The following TSEN2 variants were observed in gnomAD, a reference collection of about 807,000 sequenced individuals.
TSEN2 encodes tRNA-splicing endonuclease subunit Sen2.
A neutral mutation model predicts 59.2 loss-of-function variants in TSEN2; 54 were observed. The ratio of observed to expected loss-of-function variants is 0.91; its 90% CI spans 0.73 to 1.14. TSEN2 has a LOEUF of 1.14. TSEN2 is among the 50% of genes most tolerant of loss of function. The pLI is 0.00. For missense variants in TSEN2, 636 were observed against 576.2 expected, an observed-to-expected ratio of 1.10 and a Z score of -1.06; for synonymous variants, 195 against 198.2, an observed-to-expected ratio of 0.98 and a Z score of 0.14.
chr3:12,502,596 TA>T (rs1255077935), intron 4 of TSEN2, among the ~76,000 whole-genome samples: 1 of 151,900 alleles, frequency 6.6e-6, no homozygotes, highest in East Asian at 1.9e-4. Flanking sequence ...TTTTCTTGTT[TA>T]TTTACCTAAA....
intron 6 of TSEN2, chr3:12,514,832 C>T (rs2055887458): frequency 6.6e-6 from 1 of 152,172 alleles, no homozygotes; most frequent in Non-Finnish European, 1.5e-5. Flanking sequence ...CAACCCATAC[C>T]TTGACATAAA....
intron 6 of TSEN2, among the ~76,000 whole-genome samples, chr3:12,507,051 G>T (rs2054913895): frequency 6.6e-6 from 1 of 152,046 alleles, no homozygotes. Flanking sequence ...AAATTAGCTG[G>T]GTGTGGTGTC....
At chr3:12,498,992 T>G (rs1374245401) in intron 4 of TSEN2, among the ~76,000 whole-genome samples, 1 of 152,182 alleles carries the variant, frequency 6.6e-6, no homozygotes, top group African/African-American at 2.4e-5. Flanking sequence ...GCTCCTGGGC[T>G]CAAGTGATCC....
chr3:12,514,527 C>T (rs536215012), intron 6 of TSEN2, among the ~76,000 whole-genome samples: 1 of 151,998 alleles, frequency 6.6e-6, no homozygotes, highest in African/African-American at 2.4e-5. Context: ...AGACTTGGGA[C>T]CAAGAAGGCA....
chr3:12,491,720 G>A (rs1349352306), intron 2 of TSEN2, among the ~76,000 whole-genome samples: 2 of 152,170 alleles, frequency 1.3e-5, no homozygotes, highest in Non-Finnish European at 2.9e-5. Flanking sequence ...AAAGTGGGGC[G>A]AACCTCTTGT....
At chr3:12,493,402 A>G (rs1039512619) in intron 3 of TSEN2, among the ~76,000 whole-genome samples, 4 of 152,288 alleles carry the variant, frequency 2.6e-5, no homozygotes, top group East Asian at 1.9e-4. Flanking sequence ...AAAGGTTCCA[A>G]TTTCTCTACA....
At chr3:12,524,779 G>C (rs539882385) in intron 8 of TSEN2, among the ~76,000 whole-genome samples, 11 of 129,596 alleles carry the variant, frequency 8.5e-5, no homozygotes, top group African/African-American at 3.3e-4. Flanking sequence ...GTGTCGCTCT[G>C]TTGCTCAGGC....
intron 7 of TSEN2, among the ~76,000 whole-genome samples, chr3:12,517,005 GGTA>G: frequency 6.6e-6 from 1 of 152,208 alleles, no homozygotes; most frequent in East Asian, 1.9e-4. Context: ...CTATATTTTA[GGTA>G]CTTTACACGC....
intron 7 of TSEN2, 42 bp from the exon 8 acceptor site, chr3:12,519,017 C>T: frequency 6.2e-7 from 1 of 1,606,520 alleles, no homozygotes; most frequent in Non-Finnish European, 8.5e-7. Flanking sequence ...AGAGTGAATG[C>T]ATACATAGTA....
rs375636804 is a variant in TSEN2, at chr3:12,488,475, G to C, written c.-17-1309G>C. On this transcript the variant is annotated intron_variant, in intron 1 of 11. Coordinates refer to ENST00000284995, the MANE Select transcript of TSEN2 (RefSeq NM_025265.4). Reference sequence around the variant, plus strand: ...TGCACCATTTACATTGTTTTCCCATGTATATGGTTACGTTTTCCTAGGTTA... The same window carrying C: ...TGCACCATTTACATTGTTTTCCCATCTATATGGTTACGTTTTCCTAGGTTA... Among the ~76,000 whole-genome samples the C allele has an allele frequency of 1.1e-4, 16 of 152,264 alleles. 1 individual carries two copies. Among genetic ancestry groups the C allele is most frequent in the Admixed American group, 7.8e-4 (12 of 15,292 alleles).
chr3:12,536,418 C>T (rs150523356), downstream of TSEN2, among the ~76,000 whole-genome samples: 3 of 152,176 alleles, frequency 2.0e-5, no homozygotes, highest in African/African-American at 4.8e-5. Context: ...GGTGGTCATC[C>T]CATGAACATT....
chr3:12,521,402 G>A (rs553711259), intron 8 of TSEN2, among the ~76,000 whole-genome samples: 7 of 152,326 alleles, frequency 4.6e-5, no homozygotes, highest in African/African-American at 1.4e-4. Flanking sequence ...GGCTACCCAA[G>A]GTCAACTGTA....
intron 1 of TSEN2, among the ~76,000 whole-genome samples, chr3:12,488,118 C>G (rs926470534): frequency 1.3e-5 from 2 of 152,190 alleles, no homozygotes; most frequent in African/African-American, 4.8e-5. Flanking sequence ...GTTGGATAAG[C>G]CTTTTCTTAA....
chr3:12,506,978 A>C (rs916206466), intron 6 of TSEN2: 8 of 440,200 alleles, frequency 1.8e-5, no homozygotes, highest in Non-Finnish European at 2.4e-5. Flanking sequence ...GTGGATCACG[A>C]GGTCAGGAGA....
downstream of TSEN2, among the ~76,000 whole-genome samples, chr3:12,537,361 C>T (rs546060700): frequency 2.7e-5 from 4 of 150,626 alleles, no homozygotes; most frequent in Non-Finnish European, 5.9e-5. Flanking sequence ...ATTGTGCCTC[C>T]GGAATCCAGC....
Position 12,496,532 on chromosome 3 carries a change from A to T in TSEN2, c.286A>T (p.Met96Leu). 1.9e-6 allele frequency: 3 copies of T among 1,614,184 alleles called. No homozygotes were observed. The change falls in exon 4 of 12, where the codon ATG becomes TTG. Residue 96 changes from methionine (M) to leucine (L), a missense_variant. Transcript: ENST00000284995. Reference sequence around the variant, plus strand: ...CTTTGTTCCAGATATGAAGACAAACATGCCTATCATCACATCAAAGAGGTA... The same window carrying T: ...CTTTGTTCCAGATATGAAGACAAACTTGCCTATCATCACATCAAAGAGGTA... ...VAKWKDMKTNMPIITSKRYQH... is the reference protein window; with the variant it reads ...VAKWKDMKTNLPIITSKRYQH...
chr3:12,531,847 C>T (rs1213530513), intron 11 of TSEN2, among the ~76,000 whole-genome samples, 188 bp downstream of exon 11: 1 of 152,166 alleles, frequency 6.6e-6, no homozygotes, highest in Admixed American at 6.5e-5. Flanking sequence ...ATGCTGACTT[C>T]CTCTATTCCT....
chr3:12,493,848 T>C (rs2124966591), intron 3 of TSEN2, among the ~76,000 whole-genome samples: 1 of 152,388 alleles, frequency 6.6e-6, no homozygotes, highest in Admixed American at 6.5e-5. Flanking sequence ...CCAATTTATC[T>C]ATTTTTTCTA....
At chr3:12,493,276 T>C (rs1338871477) in intron 3 of TSEN2, among the ~76,000 whole-genome samples, 7 of 152,230 alleles carry the variant, frequency 4.6e-5, no homozygotes, top group Non-Finnish European at 8.8e-5. Flanking sequence ...TTTGGATATA[T>C]ACCCAGGAGT....
Sources: allele counts gnomAD v4.1 joint callset (sites outside exome capture counted in the v4.1 genomes callset), GRCh38; gene constraint gnomAD v4.1.1; transcripts MANE v1.5; gene names NCBI Gene and HGNC (gene_info 2026-07-23, HGNC 2026-07-21).